The following CPS1 variants were observed in gnomAD, a reference collection of about 807,000 sequenced individuals.
The protein encoded by CPS1 is carbamoyl-phosphate synthase [ammonia], mitochondrial.
CPS1 carries 109 observed loss-of-function variants against 174.6 expected under a neutral mutation model. That is an observed-to-expected ratio of 0.62 (90% confidence interval 0.53 to 0.73). CPS1 has a LOEUF of 0.73. Among genes scored for constraint, CPS1 ranks in the 30% least tolerant of loss-of-function variants. The probability of loss-of-function intolerance (pLI) is 0.00; values close to 1 mark genes in which losing one functional copy is unlikely to be tolerated. For synonymous variants in CPS1, 637 were observed against 632.0 expected, an observed-to-expected ratio of 1.01 and a Z score of -0.12; for missense variants, 1,689 against 1,821.9, an observed-to-expected ratio of 0.93 and a Z score of 1.33.
chr2:210,486,553 C>T (rs1002361869), intron 1 of CPS1, among the ~76,000 whole-genome samples: 1 of 152,160 alleles, frequency 6.6e-6, no homozygotes, highest in Non-Finnish European at 1.5e-5. Context: ...TCCTGTTGCC[C>T]AGGCTGGAGT....
intron 1 of CPS1, among the ~76,000 whole-genome samples, chr2:210,489,113 T>TA (rs1219817815): frequency 6.6e-6 from 1 of 152,204 alleles, no homozygotes; most frequent in Non-Finnish European, 1.5e-5. Context: ...ACTGCAAACT[T>TA]ATAGATGATG....
chr2:210,571,924 G>T (rs1697511712), intron 1 of CPS1, among the ~76,000 whole-genome samples: 1 of 149,992 alleles, frequency 6.7e-6, no homozygotes, highest in South Asian at 2.1e-4. Context: ...TGTAATGGGA[G>T]TGGAGGTGGG....
At chr2:210,572,294 G>T (rs1697526779) in intron 1 of CPS1, among the ~76,000 whole-genome samples, 2 of 151,966 alleles carry the variant, frequency 1.3e-5, no homozygotes, top group African/African-American at 2.4e-5. Flanking sequence ...ATCAATTTAT[G>T]ATTCTAATTT....
chr2:210,519,642 T>G, intron 1 of CPS1: 1 of 505,726 alleles, frequency 2.0e-6, no homozygotes, highest in Non-Finnish European at 2.6e-6. Context: ...TGAACTTGAA[T>G]TCCCAGCCTC....
At chr2:210,545,430 T>C (rs570558230) in intron 1 of CPS1, among the ~76,000 whole-genome samples, 3 of 152,182 alleles carry the variant, frequency 2.0e-5, no homozygotes, top group African/African-American at 7.2e-5. Context: ...CTCTGTGTTT[T>C]TGTAATTATA....
At chr2:210,477,916 T>A in intron 1 of CPS1, 1 of 858,546 alleles carries the variant, frequency 1.2e-6, no homozygotes, top group Non-Finnish European at 1.8e-6. Flanking sequence ...TCACAGTCTT[T>A]AAGCAATTAA....
At chr2:210,573,714 G>C (rs953759246) in intron 2 of CPS1, among the ~76,000 whole-genome samples, 1 of 152,030 alleles carries the variant, frequency 6.6e-6, no homozygotes. Flanking sequence ...AATGGTTTCT[G>C]TAAGGGGAGG....
Position 210,639,983 on chromosome 2 carries a change from C to G in CPS1, c.2896-13C>G. ...TTAATGATTTCTGCATCTTCCTTTT[C>G]TTATTTCCTCAGGAGCATGATGTCA... On this transcript the variant is annotated splice_polypyrimidine_tract_variant and intron_variant, in intron 23 of 37. Transcript: ENST00000233072. 6.3e-7 allele frequency: 1 copy of G among 1,598,902 alleles called. No individual in the cohort carries two copies. Among genetic ancestry groups the G allele is most frequent in the East Asian group, 2.2e-5 (1 of 44,682 alleles).
chr2:210,552,502 A>G (rs1696756949), upstream of CPS1, among the ~76,000 whole-genome samples: 13 of 151,984 alleles, frequency 8.6e-5, no homozygotes, highest in Admixed American at 7.9e-4. Flanking sequence ...GTTGTTTCTG[A>G]TTCATTACTT....
intron 1 of CPS1, among the ~76,000 whole-genome samples, chr2:210,497,902 A>ATG (rs1275253479): frequency 3.7e-5 from 5 of 135,818 alleles, no homozygotes; most frequent in African/African-American, 1.4e-4. Flanking sequence ...ACATATATAT[A>ATG]TATATATATA....
intron 1 of CPS1, among the ~76,000 whole-genome samples, chr2:210,507,751 T>C (rs1695330898): frequency 6.6e-6 from 1 of 152,174 alleles, no homozygotes; most frequent in South Asian, 2.1e-4. Context: ...AAACAGACTT[T>C]AAACCAACAA....
At chr2:210,548,967 T>A (rs138600729) in intron 1 of CPS1, among the ~76,000 whole-genome samples, 1 of 152,118 alleles carries the variant, frequency 6.6e-6, no homozygotes, top group African/African-American at 2.4e-5. Context: ...AGAAATCAGG[T>A]TCAGTATAAC....
chr2:210,581,301 T>G (rs1302329054), intron 5 of CPS1, among the ~76,000 whole-genome samples: 1 of 152,132 alleles, frequency 6.6e-6, no homozygotes, highest in African/African-American at 2.4e-5. Context: ...AGACCGCACT[T>G]GTCTTTCATG....
At chr2:210,520,900 T>A (rs1695806358) in intron 1 of CPS1, among the ~76,000 whole-genome samples, 1 of 152,072 alleles carries the variant, frequency 6.6e-6, no homozygotes, top group South Asian at 2.1e-4. Context: ...AAAATAAAGC[T>A]GCTAAGAGCA....
intron 1 of CPS1, among the ~76,000 whole-genome samples, chr2:210,508,626 C>T (rs1047701761): frequency 6.6e-5 from 10 of 152,144 alleles, no homozygotes; most frequent in African/African-American, 2.2e-4. Context: ...ATTGATAGAC[C>T]ACTAGCAAGA....
intron 1 of CPS1, among the ~76,000 whole-genome samples, chr2:210,502,379 A>AT (rs1203015945): frequency 1.1e-4 from 6 of 54,456 alleles, no homozygotes; most frequent in South Asian, 6.9e-4. Context: ...ATATATATAT[A>AT]TTTTTTTATA....
At chr2:210,605,572 A>G (rs1698879257) in intron 17 of CPS1, among the ~76,000 whole-genome samples, 1 of 151,910 alleles carries the variant, frequency 6.6e-6, no homozygotes, top group South Asian at 2.1e-4. Flanking sequence ...AAGCAGACTG[A>G]GCTGGTAATC....
intron 34 of CPS1, chr2:210,674,032 A>G (rs979689799): frequency 6.6e-6 from 1 of 152,224 alleles, no homozygotes; most frequent in African/African-American, 2.4e-5. Flanking sequence ...CTGACTTTAG[A>G]GCTCATTCTT....
chr2:210,594,508 T>C lies in CPS1; in HGVS notation c.1165T>C (p.Tyr389His). The C allele has an allele frequency of 6.2e-7, 1 of 1,606,306 alleles. No homozygotes were observed. The highest frequency in any genetic ancestry group is 8.5e-7 in the Non-Finnish European group (1 of 1,174,090). ...ACTAGTTGGTTGTATTTTTTTCTAG[T>C]ACCTGTTTGATTCCTTTTTCTCACT... is the stretch of plus-strand genomic sequence containing the variant. ...EVTPGPIDTE[Y>H]LFDSFFSLIK... Residue 389 changes from tyrosine (Y) to histidine (H), a missense_variant and splice_region_variant, in exon 12 of 38, where the codon TAC becomes CAC. Coordinates refer to ENST00000233072, the MANE Select transcript of CPS1 (RefSeq NM_001875.5).
Sources: allele counts gnomAD v4.1 joint callset (sites outside exome capture counted in the v4.1 genomes callset), GRCh38; gene constraint gnomAD v4.1.1; transcripts MANE v1.5; gene names NCBI Gene and HGNC (gene_info 2026-07-23, HGNC 2026-07-21).